Variants in KCNIP4 observed in about 807,000 individuals in gnomAD.
KCNIP4 encodes Kv channel-interacting protein 4.
Under a neutral mutation model 34.0 loss-of-function variants are expected in KCNIP4, and 12 were observed. That is an observed-to-expected ratio of 0.35 (90% confidence interval 0.23 to 0.57). The LOEUF is 0.57. KCNIP4 is among the 20% of genes least tolerant of loss of function. KCNIP4 has a pLI of 0.83. For synonymous variants in KCNIP4, 124 were observed against 102.2 expected (o/e 1.21, Z -1.29); for missense variants, 238 against 311.7 (o/e 0.76, Z 1.78).
At chr4:21,413,458 A>T (rs778609651) in intron 1 of KCNIP4, among the ~76,000 whole-genome samples, 37 of 152,232 alleles carry the variant, frequency 2.4e-4, no homozygotes, top group Non-Finnish European at 4.8e-4. Context: ...CCTTAAAAAA[A>T]TCCAGATAAA....
intron 1 of KCNIP4, among the ~76,000 whole-genome samples, chr4:21,297,381 G>A (rs994957943): frequency 2.0e-5 from 3 of 152,018 alleles, no homozygotes; most frequent in Admixed American, 6.6e-5. Flanking sequence ...TCTTTGTAAT[G>A]GCACCTATTT....
chr4:21,842,536 T>C (rs1376570845), intron 1 of KCNIP4, among the ~76,000 whole-genome samples: 2 of 152,182 alleles, frequency 1.3e-5, no homozygotes, highest in Non-Finnish European at 2.9e-5. Context: ...CTAGATTTTA[T>C]GTACAAAGGC....
chr4:21,394,406 C>T (rs1438160898), intron 1 of KCNIP4, among the ~76,000 whole-genome samples: 1 of 152,048 alleles, frequency 6.6e-6, no homozygotes, highest in Non-Finnish European at 1.5e-5. Flanking sequence ...CCAGAACTGA[C>T]CAATCAGAAG....
At chr4:20,742,838 C>T (rs1751475842) in intron 5 of KCNIP4, among the ~76,000 whole-genome samples, 1 of 152,116 alleles carries the variant, frequency 6.6e-6, no homozygotes, top group South Asian at 2.1e-4. Context: ...CCCAAAATCT[C>T]CTTAAACTGA....
At chr4:21,284,880 G>C (rs982197720) in intron 1 of KCNIP4, among the ~76,000 whole-genome samples, 2 of 151,932 alleles carry the variant, frequency 1.3e-5, no homozygotes, top group African/African-American at 2.4e-5. Flanking sequence ...CCGGGAGAAG[G>C]GATTCCAAGA....
At chr4:21,428,289 C>A (rs1208695902) in intron 1 of KCNIP4, among the ~76,000 whole-genome samples, 1 of 152,152 alleles carries the variant, frequency 6.6e-6, no homozygotes, top group Non-Finnish European at 1.5e-5. Flanking sequence ...TGCATGCAAT[C>A]CTTTTTAAAT....
intron 3 of KCNIP4, among the ~76,000 whole-genome samples, chr4:20,764,214 C>A (rs762125975): frequency 6.6e-6 from 1 of 152,068 alleles, no homozygotes; most frequent in African/African-American, 2.4e-5. Context: ...AAATGAAAAT[C>A]ACCCATAATC....
chr4:20,899,580 C>T (rs1467460880), intron 1 of KCNIP4, among the ~76,000 whole-genome samples: 1 of 152,142 alleles, frequency 6.6e-6, no homozygotes, highest in African/African-American at 2.4e-5. Flanking sequence ...AGTGAAGTCA[C>T]ATTTTGTATG....
chr4:20,741,737 G>A (rs1202197856), intron 5 of KCNIP4, among the ~76,000 whole-genome samples: 3 of 152,142 alleles, frequency 2.0e-5, no homozygotes, highest in African/African-American at 4.8e-5. Context: ...AACTGAAGGA[G>A]ACAGAGACAC....
intron 1 of KCNIP4, among the ~76,000 whole-genome samples, chr4:20,910,954 T>TA (rs1466689713): frequency 2.0e-5 from 3 of 151,948 alleles, no homozygotes; most frequent in South Asian, 2.1e-4. Flanking sequence ...CCCCACATAT[T>TA]AAAAAAAGGG....
chr4:21,116,763 C>A (rs1408789958), intron 1 of KCNIP4, among the ~76,000 whole-genome samples: 2 of 152,208 alleles, frequency 1.3e-5, no homozygotes, highest in African/African-American at 2.4e-5. Context: ...CCTGGTCAAA[C>A]AAATGGAAGA....
chr4:21,464,235 CTTCT>C (rs1729721698), intron 1 of KCNIP4, among the ~76,000 whole-genome samples: 2 of 151,240 alleles, frequency 1.3e-5, no homozygotes, highest in Non-Finnish European at 2.9e-5. Flanking sequence ...TATTTTCTTC[CTTCT>C]GATTGTTTTG....
At chr4:21,119,936 G>A (rs1750013232) in intron 1 of KCNIP4, among the ~76,000 whole-genome samples, 1 of 152,174 alleles carries the variant, frequency 6.6e-6, no homozygotes, top group African/African-American at 2.4e-5. Context: ...AAACACAGAA[G>A]AGGAAAGGCT....
At chr4:21,169,740 T>C (rs931358667) in intron 1 of KCNIP4, among the ~76,000 whole-genome samples, 10 of 151,370 alleles carry the variant, frequency 6.6e-5, no homozygotes, top group Non-Finnish European at 1.2e-4. Flanking sequence ...GCTTCTGATA[T>C]GAGAACCTGG....
At chr4:21,078,188 A>G (rs1745670485) in intron 1 of KCNIP4, among the ~76,000 whole-genome samples, 1 of 152,096 alleles carries the variant, frequency 6.6e-6, no homozygotes, top group Non-Finnish European at 1.5e-5. Context: ...GCCACACTTC[A>G]AGAGTGACTG....
intron 3 of KCNIP4, among the ~76,000 whole-genome samples, chr4:20,794,225 T>C (rs1713153554): frequency 6.6e-6 from 1 of 152,206 alleles, no homozygotes; most frequent in Admixed American, 6.5e-5. Flanking sequence ...ACACCTCACA[T>C]GAGCAGTTCA....
chr4:21,016,036 GA>G (rs1162637119), intron 1 of KCNIP4, among the ~76,000 whole-genome samples: 4 of 145,544 alleles, frequency 2.7e-5, no homozygotes, highest in Admixed American at 7.0e-5. Flanking sequence ...TATCTAGAAA[GA>G]AAAAAAACAA....
At chr4:21,509,717 G>T (rs1244874003) in intron 1 of KCNIP4, among the ~76,000 whole-genome samples, 1 of 152,136 alleles carries the variant, frequency 6.6e-6, no homozygotes, top group Admixed American at 6.6e-5. Context: ...TTGTTTTTGA[G>T]TGAAAACCAA....
At chr4:21,562,404 A>T (rs1029090325) in intron 1 of KCNIP4, among the ~76,000 whole-genome samples, 1 of 152,042 alleles carries the variant, frequency 6.6e-6, no homozygotes, top group African/African-American at 2.4e-5. Context: ...CCAAGAATGC[A>T]CATATGAGCA....
Sources: gnomAD v4.1 joint callset for allele counts (sites outside exome capture counted in the v4.1 genomes callset) on GRCh38, gnomAD v4.1.1 for gene constraint, MANE v1.5 for transcripts, NCBI Gene and HGNC (gene_info 2026-07-23, HGNC 2026-07-21) for gene names.